Variants in PCDHGA3 observed in about 807,000 individuals in gnomAD.
The protein encoded by PCDHGA3 is protocadherin gamma subfamily A, 3, also known as protocadherin gamma-A3.
Under a neutral mutation model 58.5 loss-of-function variants are expected in PCDHGA3, and 40 were observed. The ratio of observed to expected loss-of-function variants is 0.68; its 90% CI spans 0.53 to 0.89. The LOEUF (loss-of-function observed/expected upper bound fraction) is 0.89. Ranked by LOEUF, PCDHGA3 falls within the 40% of genes least tolerant of loss-of-function variation. PCDHGA3 has a pLI of 0.00. For missense variants in PCDHGA3, 1,223 were observed against 1,195.9 expected (o/e 1.02, Z -0.33); for synonymous variants, 530 against 525.7 (o/e 1.01, Z -0.11).
At chr5:141,422,328 T>C (rs1561800810) in intron 1 of PCDHGA3, 4 of 1,548,502 alleles carry the variant, frequency 2.6e-6, no homozygotes, top group Non-Finnish European at 2.6e-6. Flanking sequence ...GTACAGTGAT[T>C]GCTCTTCTAA....
At chr5:141,414,640 G>A (rs1035735674) in intron 1 of PCDHGA3, 2 of 1,613,838 alleles carry the variant, frequency 1.2e-6, no homozygotes, top group Non-Finnish European at 1.7e-6. Flanking sequence ...CAAAGAGAAT[G>A]CCCAGATTAT....
intron 1 of PCDHGA3, chr5:141,426,432 C>A (rs1239073805): frequency 1.0e-5 from 3 of 295,812 alleles, no homozygotes; most frequent in South Asian, 3.3e-5. Flanking sequence ...TGGTGGGGAA[C>A]CTTGCGGAGG....
At chr5:141,459,737 A>T (rs2098974670) in intron 1 of PCDHGA3, among the ~76,000 whole-genome samples, 1 of 152,176 alleles carries the variant, frequency 6.6e-6, no homozygotes, top group African/African-American at 2.4e-5. Flanking sequence ...CAATTTTTTA[A>T]ATTTTAGCAA....
chr5:141,477,777 A>G lies in PCDHGA3; in HGVS notation c.2425-17030A>G, dbSNP rs775845004. ...GTCCTAGCCACCAACATCAGCGTGA[A>G]CATATTTGTCACTGATCGCAATGAC... is the stretch of plus-strand genomic sequence containing the variant. On this transcript the variant is annotated intron_variant, in intron 1 of 3. Transcript: ENST00000253812. The surrounding 1 kb of genome is among the most constrained non-coding windows in gnomAD (Gnocchi z 4.9). The G allele has an allele frequency of 1.9e-4, 299 of 1,613,944 alleles. No homozygotes were observed. Among genetic ancestry groups the G allele is most frequent in the Non-Finnish European group, 2.5e-4 (295 of 1,180,048 alleles).
At chr5:141,418,308 T>G in intron 1 of PCDHGA3, 6 of 1,613,946 alleles carry the variant, frequency 3.7e-6, no homozygotes, top group Non-Finnish European at 5.1e-6. Flanking sequence ...AGCCTGGGGA[T>G]GGGAACAATT....
In PCDHGA3 at chr5:141,485,053, G is replaced by A. The variant is rs555996081; in HGVS notation, c.2425-9754G>A. On this transcript the variant is annotated intron_variant, in intron 1 of 3. Coordinates refer to ENST00000253812, the MANE Select transcript of PCDHGA3 (RefSeq NM_018916.4). The surrounding 1 kb of genome is among the most constrained non-coding windows in gnomAD (Gnocchi z 5.7). ...GCGCGTAACCCTTGCGGCGCCGGCC[G>A]AACCGCGCCAGAGCTGGCGCGGGGA... 6.9e-5 allele frequency: 57 copies of A among 820,742 alleles called. 2 individuals carry two copies. In the South Asian group the frequency reaches 9.3e-4, roughly 13 times the overall value. 50.8% of individuals were successfully genotyped at this position (820,742 alleles called of 1,614,324 possible).
At chr5:141,408,901 G>T (rs529239605) in intron 1 of PCDHGA3, 2 of 1,613,100 alleles carry the variant, frequency 1.2e-6, no homozygotes, top group African/African-American at 2.7e-5. Flanking sequence ...TTTCTGTCAA[G>T]GATACCAATG....
chr5:141,489,284 T>A lies in PCDHGA3; in HGVS notation c.2425-5523T>A. On this transcript the variant is annotated intron_variant, in intron 1 of 3. Transcript: ENST00000253812. This position sits in a 1 kb window ranked among gnomAD's most constrained non-coding sequence, Gnocchi z 4.5. ...CCACAGCTCGCTGGGAAATGGCAAG[T>A]GCTGTGCATGTTGTCCTTGTGCTGC... The A allele has an allele frequency of 6.4e-7, 1 of 1,570,016 alleles. No homozygotes were observed. The highest frequency in any genetic ancestry group is 2.2e-5 in the East Asian group (1 of 44,588).
chr5:141,361,631 G>C (rs534427524), intron 1 of PCDHGA3: 1 of 1,613,902 alleles, frequency 6.2e-7, no homozygotes, highest in Admixed American at 1.7e-5. Flanking sequence ...CTGAAGCCGC[G>C]GGAGATTTTA....
chr5:141,401,060 T>A (rs1395651829), intron 1 of PCDHGA3, among the ~76,000 whole-genome samples: 3 of 152,216 alleles, frequency 2.0e-5, no homozygotes, highest in Non-Finnish European at 4.4e-5. Flanking sequence ...ATACTATATG[T>A]TGGCTGGGTG....
chr5:141,382,171 G>A (rs1325332399), intron 1 of PCDHGA3, among the ~76,000 whole-genome samples: 3 of 151,984 alleles, frequency 2.0e-5, no homozygotes, highest in East Asian at 3.8e-4. Flanking sequence ...GTGTTAGACC[G>A]TCTCTAAGGT....
At chr5:141,423,471 G>A in intron 1 of PCDHGA3, 1 of 1,614,052 alleles carries the variant, frequency 6.2e-7, no homozygotes, top group South Asian at 1.1e-5. Context: ...ACGGGGTACA[G>A]GCTTTCCTGC....
intron 1 of PCDHGA3, chr5:141,400,636 G>C: frequency 7.5e-7 from 1 of 1,325,762 alleles, no homozygotes; most frequent in Non-Finnish European, 1.1e-6. Context: ...AGTCAGAGCT[G>C]CTCAGAAAGC....
intron 1 of PCDHGA3, chr5:141,427,552 C>T (rs1233231671): frequency 1.5e-6 from 1 of 645,244 alleles, no homozygotes; most frequent in South Asian, 1.5e-5. Context: ...ATCACTGCCA[C>T]TGACAAGGGC....
At chr5:141,374,714 G>T (rs1236113306) in intron 1 of PCDHGA3, 1 of 1,609,850 alleles carries the variant, frequency 6.2e-7, no homozygotes, top group Non-Finnish European at 8.5e-7. Flanking sequence ...TTACCGCCTG[G>T]TCCTTACTGC....
chr5:141,405,138 G>A (rs777486710), intron 1 of PCDHGA3: 4 of 1,613,962 alleles, frequency 2.5e-6, no homozygotes, highest in Non-Finnish European at 3.4e-6. Flanking sequence ...CGGGCTACCA[G>A]TGATGGGTTG....
At chr5:141,405,027 A>G (rs1402992376) in intron 1 of PCDHGA3, 1 of 1,613,252 alleles carries the variant, frequency 6.2e-7, no homozygotes, top group Non-Finnish European at 8.5e-7. Context: ...CTTACCCTCT[A>G]CCTCGTTGTG....
intron 1 of PCDHGA3, chr5:141,441,116 C>G (rs1358636787): frequency 3.3e-5 from 5 of 152,156 alleles, no homozygotes; most frequent in Non-Finnish European, 7.3e-5. Context: ...GTCCAGTGTA[C>G]AGTTGAGACC....
In PCDHGA3 at chr5:141,431,553, A is replaced by G; in HGVS notation, c.2425-63254A>G. ...TTGGGCACGCAGCTGCTTGTAGTCA[A>G]CGCTACCGACCCTGACGAAGGAGTC... On this transcript the variant is annotated intron_variant, in intron 1 of 3. Transcript: ENST00000253812. The surrounding 1 kb of genome is among the most constrained non-coding windows in gnomAD (Gnocchi z 4.8). 1.2e-6 allele frequency: 2 copies of G among 1,614,112 alleles called. No individual in the cohort carries two copies. Among genetic ancestry groups the G allele is most frequent in the Non-Finnish European group, 1.7e-6 (2 of 1,180,020 alleles).
Sources: allele counts gnomAD v4.1 joint callset (sites outside exome capture counted in the v4.1 genomes callset), GRCh38; gene constraint gnomAD v4.1.1; non-coding constraint Gnocchi (gnomAD v3.1); transcripts MANE v1.5; gene names NCBI Gene and HGNC (gene_info 2026-07-23, HGNC 2026-07-21).